Variants in STK33 observed in about 807,000 individuals in gnomAD.
STK33 encodes serine/threonine kinase 33.
STK33 carries 52 observed loss-of-function variants against 58.0 expected under a neutral mutation model. That is an observed-to-expected ratio of 0.90 (90% CI 0.72 to 1.13). STK33 has a LOEUF of 1.13. Among genes scored for constraint, STK33 ranks in the 50% most tolerant of loss-of-function variants. The pLI is 0.00. For synonymous variants in STK33, 215 were observed against 200.1 expected, an observed-to-expected ratio of 1.07 and a Z score of -0.63; for missense variants, 630 against 604.2, an observed-to-expected ratio of 1.04 and a Z score of -0.45.
intron 15 of STK33, among the ~76,000 whole-genome samples, chr11:8,411,242 T>C (rs1940188837): frequency 6.6e-6 from 1 of 152,236 alleles, no homozygotes; most frequent in African/African-American, 2.4e-5. Context: ...GAGAGAACAT[T>C]ACTGTCCTCA....
chr11:8,533,991 T>C (rs1158756472), intron 1 of STK33, among the ~76,000 whole-genome samples: 2 of 152,286 alleles, frequency 1.3e-5, no homozygotes, highest in African/African-American at 2.4e-5. Context: ...AAACTGTATA[T>C]GTGCCGGAGC....
chr11:8,368,093 A>T, the STK33 span, among the ~76,000 whole-genome samples: 4 of 152,276 alleles, frequency 2.6e-5, no homozygotes, highest in South Asian at 8.3e-4. Context: ...GCCAAGCAGC[A>T]GAGGGCGGGA....
the STK33 span, among the ~76,000 whole-genome samples, chr11:8,352,538 A>T: frequency 6.6e-6 from 1 of 152,164 alleles, no homozygotes; most frequent in Non-Finnish European, 1.5e-5. Context: ...GTCGATCAGA[A>T]TATTTTAGTC....
chr11:8,463,106 G>A (rs909528465), intron 7 of STK33, among the ~76,000 whole-genome samples: 1 of 152,134 alleles, frequency 6.6e-6, no homozygotes, highest in Non-Finnish European at 1.5e-5. Flanking sequence ...AGGAGTGGGT[G>A]GGATGCTGCC....
intron 8 of STK33, 120 bp downstream of exon 8, chr11:8,461,685 T>C (rs993873138): frequency 2.3e-5 from 14 of 603,282 alleles, no homozygotes; most frequent in Non-Finnish European, 3.8e-5. Flanking sequence ...CAATCTCCAG[T>C]GACAGACTCA....
intron 11 of STK33, among the ~76,000 whole-genome samples, chr11:8,452,078 C>T (rs896671469): frequency 1.3e-5 from 2 of 152,084 alleles, no homozygotes; most frequent in African/African-American, 4.8e-5. Context: ...TGGCAGGTGC[C>T]TGTAATCCCA....
At chr11:8,512,669 C>A (rs1405292224) in intron 1 of STK33, among the ~76,000 whole-genome samples, 2 of 152,094 alleles carry the variant, frequency 1.3e-5, no homozygotes, top group Non-Finnish European at 2.9e-5. Flanking sequence ...AAGCCTAGTT[C>A]TTTCACCTTA....
At chr11:8,421,825 C>T (rs529808615) in intron 14 of STK33, among the ~76,000 whole-genome samples, 1 of 152,060 alleles carries the variant, frequency 6.6e-6, no homozygotes, top group Non-Finnish European at 1.5e-5. Context: ...ATATTCTTTG[C>T]TACTATTTTA....
the STK33 span, among the ~76,000 whole-genome samples, chr11:8,349,557 A>T: frequency 1.3e-5 from 2 of 152,120 alleles, no homozygotes; most frequent in African/African-American, 4.8e-5. Flanking sequence ...CTTTGAGGTG[A>T]ATGTGCCTCT....
chr11:8,419,089 C>T (rs1165241216), intron 14 of STK33, among the ~76,000 whole-genome samples: 1 of 152,014 alleles, frequency 6.6e-6, no homozygotes, highest in African/African-American at 2.4e-5. Flanking sequence ...AGTTTAATTA[C>T]ATACCACTTG....
At chr11:8,398,438 C>A (rs1849763986) in intron 15 of STK33, among the ~76,000 whole-genome samples, 1 of 152,126 alleles carries the variant, frequency 6.6e-6, no homozygotes, top group Admixed American at 6.5e-5. Context: ...ACCAGGCCTG[C>A]CCTAAAAGAG....
the STK33 span, among the ~76,000 whole-genome samples, chr11:8,339,652 C>A: frequency 6.6e-6 from 1 of 152,216 alleles, no homozygotes; most frequent in African/African-American, 2.4e-5. Flanking sequence ...CCGTGCACAG[C>A]CACAGGGACC....
intron 1 of STK33, among the ~76,000 whole-genome samples, chr11:8,521,406 G>A (rs1023633445): frequency 6.6e-6 from 1 of 152,168 alleles, no homozygotes; most frequent in Non-Finnish European, 1.5e-5. Context: ...ATGGTGCTGG[G>A]AAAACTGGTC....
intron 15 of STK33, among the ~76,000 whole-genome samples, chr11:8,395,212 C>A (rs1257707070): frequency 6.6e-6 from 1 of 152,140 alleles, no homozygotes; most frequent in Admixed American, 6.5e-5. Flanking sequence ...CCCATAATTC[C>A]GTGTTGTGGG....
chr11:8,515,354 T>A (rs929632125), intron 1 of STK33, among the ~76,000 whole-genome samples: 1 of 152,078 alleles, frequency 6.6e-6, no homozygotes, highest in Admixed American at 6.5e-5. Flanking sequence ...CCTACCAAGA[T>A]AAATTCAAGA....
intron 15 of STK33, among the ~76,000 whole-genome samples, chr11:8,394,194 G>A (rs1318487192): frequency 1.3e-5 from 2 of 151,844 alleles, no homozygotes; most frequent in Admixed American, 6.6e-5. Flanking sequence ...TATTTTTATC[G>A]AAAACTCCTT....
chr11:8,372,407 G>A, the STK33 span, among the ~76,000 whole-genome samples: 1 of 151,538 alleles, frequency 6.6e-6, no homozygotes, highest in African/African-American at 2.4e-5. Flanking sequence ...GTGGGTGGGA[G>A]AGGGGGTAGG....
intron 14 of STK33, among the ~76,000 whole-genome samples, chr11:8,423,595 T>C (rs1367489982): frequency 6.6e-6 from 1 of 152,116 alleles, no homozygotes; most frequent in African/African-American, 2.4e-5. Context: ...ACATGATCTG[T>C]GTTAACTTTA....
chr11:8,463,264 G>A (rs563339023), intron 7 of STK33, among the ~76,000 whole-genome samples: 25 of 152,320 alleles, frequency 1.6e-4, no homozygotes, highest in African/African-American at 5.3e-4. Flanking sequence ...TGGTTTCAGA[G>A]TGAAACTGTT....
Sources: allele counts gnomAD v4.1 joint callset (sites outside exome capture counted in the v4.1 genomes callset), GRCh38; gene constraint gnomAD v4.1.1; transcripts MANE v1.5; gene names NCBI Gene and HGNC (gene_info 2026-07-23, HGNC 2026-07-21).